Variants in PTGS1 observed in about 807,000 individuals in gnomAD.
PTGS1 encodes the protein prostaglandin-endoperoxide synthase 1.
In PTGS1, 40 loss-of-function variants were observed where a neutral mutation model predicts 63.0. The ratio of observed to expected loss-of-function variants is 0.63; its 90% CI spans 0.49 to 0.83. The LOEUF (loss-of-function observed/expected upper bound fraction) is 0.83. Among genes scored for constraint, PTGS1 ranks in the 40% least tolerant of loss-of-function variants. PTGS1 has a pLI of 0.00. For missense variants in PTGS1, 709 were observed against 786.5 expected (o/e 0.90, Z 1.18); for synonymous variants, 298 against 301.9 (o/e 0.99, Z 0.13).
At position 122,392,447 on chromosome 9, in the gene PTGS1, G is replaced by C. The variant is rs1330375990; in HGVS notation, c.1703G>C (p.Cys568Ser). Residue 568 changes from cysteine (C) to serine (S), a missense_variant, in exon 11 of 11, where the codon TGC (cysteine) becomes TCC (serine). Transcript: ENST00000362012. ...ACGGCCACACTGAAGAAGCTGGTCTGCCTCAACACCAAGACCTGTCCCTAC... is the reference window on the plus strand; with the variant it reads ...ACGGCCACACTGAAGAAGCTGGTCTCCCTCAACACCAAGACCTGTCCCTAC... ...VKTATLKKLV[C>S]LNTKTCPYVS... The C allele has an allele frequency of 1.2e-6, 2 of 1,614,060 alleles. No individual in the cohort carries two copies. Among genetic ancestry groups the C allele is most frequent in the Non-Finnish European group, 1.7e-6 (2 of 1,180,042 alleles).
intron 10 of PTGS1, among the ~76,000 whole-genome samples, chr9:122,391,139 C>T (rs1158112583): frequency 6.6e-6 from 1 of 151,020 alleles, no homozygotes; most frequent in Admixed American, 6.6e-5. Flanking sequence ...ATTAAGATAC[C>T]AAATCTCAGA....
chr9:122,373,042 C>T (rs556309836), intron 2 of PTGS1, among the ~76,000 whole-genome samples: 70 of 152,142 alleles, frequency 4.6e-4, no homozygotes, highest in Non-Finnish European at 6.2e-4. Flanking sequence ...GGAGCAGCTG[C>T]CTCTCAGTGC....
intron 10 of PTGS1, 47 bp downstream of exon 10, chr9:122,390,392 C>T (rs747497157): frequency 2.2e-5 from 35 of 1,591,900 alleles, no homozygotes; most frequent in Non-Finnish European, 2.7e-5. Context: ...GAGGGACTGG[C>T]AGCAAAGTCA....
At chr9:122,388,400 C>T (rs1435930580) in intron 9 of PTGS1, among the ~76,000 whole-genome samples, 2 of 152,168 alleles carry the variant, frequency 1.3e-5, no homozygotes, top group East Asian at 3.8e-4. Flanking sequence ...CATGGCTACC[C>T]TCTCAGGGGT....
rs1458319321 is a variant in PTGS1, at chr9:122,395,204, A to C, written c.*2660A>C. On this transcript the variant is annotated 3_prime_UTR_variant, in exon 11 of 11. Transcript: ENST00000362012. ...TCTCTTAAATGCAAGTGCCTAGATT[A>C]GGTAGACTTTGCTTAGTATTGACAA... is the stretch of plus-strand genomic sequence containing the variant. 2 of 152,214 alleles carry C rather than the reference A, an allele frequency of 1.3e-5. No individual in the cohort carries two copies. Among genetic ancestry groups the C allele is most frequent in the African/African-American group, 2.4e-5 (1 of 41,440 alleles). The allele number at this position is 152,214 out of a possible 1,614,324, so 9.4% of individuals were successfully genotyped here.
chr9:122,377,727 A>G (rs888054640), intron 2 of PTGS1, among the ~76,000 whole-genome samples, 172 bp from the exon 3 acceptor site: 1 of 152,138 alleles, frequency 6.6e-6, no homozygotes, highest in African/African-American at 2.4e-5. Context: ...ATGTTCACAG[A>G]GGTGGGAACA....
intron 2 of PTGS1, among the ~76,000 whole-genome samples, chr9:122,374,936 A>T (rs1274393371): frequency 3.3e-5 from 5 of 152,188 alleles, no homozygotes; most frequent in African/African-American, 1.2e-4. Flanking sequence ...TGGGCCCTAC[A>T]TTCCTCATTA....
chr9:122,389,679 A>G (rs1457696065), intron 9 of PTGS1, among the ~76,000 whole-genome samples: 1 of 151,870 alleles, frequency 6.6e-6, no homozygotes, highest in Non-Finnish European at 1.5e-5. Flanking sequence ...AAGCTGCCGG[A>G]TGTGGTGGTT....
In PTGS1 at chr9:122,375,265, C is replaced by T. The variant is rs777030951; in HGVS notation, c.95-2634C>T. The stretch of plus-strand genomic sequence containing the variant: ...ACTGGGAGGGAGGAGCCTCAGCTCC[C>T]GCACAGCCTCTCTTGGCAGGGAGGG... On this transcript the variant is annotated intron_variant, in intron 2 of 10. Transcript: ENST00000362012. The T allele has an allele frequency of 2.8e-5, 28 of 984,782 alleles. No homozygotes were observed. The South Asian group carries it at 4.2e-4, about 15-fold the overall frequency. 61.0% of individuals were successfully genotyped at this position (984,782 alleles called of 1,614,324 possible).
At chr9:122,382,299 G>A (rs1405475243) in intron 7 of PTGS1, among the ~76,000 whole-genome samples, 4 of 152,180 alleles carry the variant, frequency 2.6e-5, no homozygotes, top group African/African-American at 9.7e-5. Flanking sequence ...CAGGTAATTA[G>A]CATTTTAGCA....
chr9:122,372,522 A>T (rs1169580347), intron 2 of PTGS1: 1 of 152,176 alleles, frequency 6.6e-6, no homozygotes, highest in Non-Finnish European at 1.5e-5. Context: ...AGTCTACAGA[A>T]GGGGACTCTG....
chr9:122,392,165 G>C (rs773377331), intron 10 of PTGS1, 24 bp from the exon 11 acceptor site: 2 of 1,550,866 alleles, frequency 1.3e-6, no homozygotes, highest in Non-Finnish European at 1.7e-6. Flanking sequence ...TCTGATGCTA[G>C]CATTTCCCCT....
At chr9:122,386,225 C>T (rs201052508) in intron 8 of PTGS1, among the ~76,000 whole-genome samples, 1 of 152,056 alleles carries the variant, frequency 6.6e-6, no homozygotes, top group South Asian at 2.1e-4. Flanking sequence ...TTGCTTGAGC[C>T]CGGGAAAGTT....
Position 122,386,664 on chromosome 9 carries a change from A to T in PTGS1, c.1228A>T (p.Thr410Ser), listed in dbSNP as rs1287884037. 1.2e-6 allele frequency: 2 copies of T among 1,613,962 alleles called. No individual in the cohort carries two copies. The highest frequency in any genetic ancestry group is 1.7e-6 in the Non-Finnish European group (2 of 1,180,012). The change falls in exon 9 of 11, where the codon ACC becomes TCC. Residue 410 changes from threonine to serine, a missense_variant. By Grantham distance (58) the Thr-to-Ser change is moderately conservative. Coordinates refer to ENST00000362012, the MANE Select transcript of PTGS1 (RefSeq NM_000962.4). ...CAGCTACGAGCAGTTCTTGTTCAAC[A>T]CCTCCATGTTGGTGGACTATGGGGT... Reference protein sequence around the residue: ...EYSYEQFLFNTSMLVDYGVEA... With the variant: ...EYSYEQFLFNSSMLVDYGVEA...
intron 7 of PTGS1, among the ~76,000 whole-genome samples, chr9:122,382,584 A>G (rs1302393720): frequency 1.3e-5 from 2 of 152,234 alleles, no homozygotes. Flanking sequence ...AATAAAATAA[A>G]TTAAGTAACA....
At chr9:122,390,041 G>T (rs1406531163) in intron 9 of PTGS1, among the ~76,000 whole-genome samples, 157 bp from the exon 10 acceptor site, 1 of 152,106 alleles carries the variant, frequency 6.6e-6, no homozygotes, top group African/African-American at 2.4e-5. Flanking sequence ...AGCAGGCCCG[G>T]GGCAGGTCTG....
intron 8 of PTGS1, among the ~76,000 whole-genome samples, 191 bp downstream of exon 8, chr9:122,383,946 G>A (rs570458155): frequency 1.3e-5 from 2 of 152,278 alleles, no homozygotes; most frequent in South Asian, 2.1e-4. Context: ...TGGGGTGAAC[G>A]ATGATTGTAA....
At position 122,393,866 on chromosome 9, in the gene PTGS1, C is replaced by T. The variant is rs1456903209; in HGVS notation, c.*1322C>T. On this transcript the variant is annotated 3_prime_UTR_variant, in exon 11 of 11. Coordinates refer to ENST00000362012, the MANE Select transcript of PTGS1 (RefSeq NM_000962.4). Reference sequence around the variant, plus strand: ...TCAAAGACAGAATGGTGGAGTGTAGCCTCCACCTGATATTCAGGCTACTCA... The same window carrying T: ...TCAAAGACAGAATGGTGGAGTGTAGTCTCCACCTGATATTCAGGCTACTCA... 6.6e-6 allele frequency: 1 copy of T among 152,134 alleles called. No individual in the cohort carries two copies. Among genetic ancestry groups the T allele is most frequent in the African/African-American group, 2.4e-5 (1 of 41,426 alleles). The allele number at this position is 152,134 out of a possible 1,614,324, so 9.4% of individuals were successfully genotyped here.
intron 2 of PTGS1, among the ~76,000 whole-genome samples, chr9:122,376,096 G>A (rs867080118): frequency 5.3e-5 from 8 of 152,092 alleles, no homozygotes; most frequent in South Asian, 2.1e-4. Flanking sequence ...GAGCCAGCAC[G>A]GGGGCTGCTC....
Sources: allele counts gnomAD v4.1 joint callset (sites outside exome capture counted in the v4.1 genomes callset), GRCh38; gene constraint gnomAD v4.1.1; transcripts MANE v1.5; gene names NCBI Gene and HGNC (gene_info 2026-07-23, HGNC 2026-07-21).